CHRNA5: variants seen among roughly 807,000 people sequenced by gnomAD.
The protein encoded by CHRNA5 is cholinergic receptor nicotinic alpha 5 subunit.
Under a neutral mutation model 41.2 loss-of-function variants are expected in CHRNA5, and 28 were observed. That is an observed-to-expected ratio of 0.68 (90% confidence interval 0.50 to 0.93). The LOEUF (loss-of-function observed/expected upper bound fraction) is 0.93. Ranked by LOEUF, CHRNA5 falls within the 40% of genes least tolerant of loss-of-function variation. The probability of loss-of-function intolerance (pLI) is 0.00; values close to 1 mark genes in which losing one functional copy is unlikely to be tolerated. For missense variants in CHRNA5, 481 were observed against 581.9 expected (o/e 0.83, Z 1.78); for synonymous variants, 188 against 205.8 (o/e 0.91, Z 0.74).
At chr15:78,592,965 C>T (rs952025523) in intron 5 of CHRNA5, 127 bp from the exon 6 acceptor site, 7 of 1,131,990 alleles carry the variant, frequency 6.2e-6, no homozygotes, top group African/African-American at 3.1e-5. Context: ...TATAGGGTCA[C>T]TTACCGTTTA....
exon 6 of CHRNA5, chr15:78,595,052 T>C (rs2053078224): frequency 6.6e-6 from 1 of 152,430 alleles, no homozygotes; most frequent in African/African-American, 2.4e-5. Context: ...AAGTAACCTA[T>C]CTAAGTTCAA....
intron 2 of CHRNA5, among the ~76,000 whole-genome samples, chr15:78,585,263 A>G (rs1054886004): frequency 2.0e-5 from 3 of 152,100 alleles, no homozygotes; most frequent in African/African-American, 7.2e-5. Flanking sequence ...ACTGCAGTGT[A>G]AGAGAGATGG....
chr15:78,579,412 C>T (rs544642572), intron 1 of CHRNA5, among the ~76,000 whole-genome samples: 1 of 152,186 alleles, frequency 6.6e-6, no homozygotes, highest in African/African-American at 2.4e-5. Flanking sequence ...TGCCACCATG[C>T]CTGACTAATT....
exon 2 of CHRNA5, chr15:78,580,944 A>T (rs748935802): frequency 3.8e-5 from 61 of 1,613,600 alleles, no homozygotes; most frequent in Non-Finnish European, 4.7e-5. Context: ...GACTTGCAAT[A>T]TCTCAATTGG....
At chr15:78,583,363 AAG>A (rs2052930168) in intron 2 of CHRNA5, among the ~76,000 whole-genome samples, 1 of 152,170 alleles carries the variant, frequency 6.6e-6, no homozygotes, top group Non-Finnish European at 1.5e-5. Context: ...TCACATTTTG[AAG>A]CCTAGGTGAT....
intron 2 of CHRNA5, 24 bp downstream of exon 2, chr15:78,580,986 G>A: frequency 6.2e-7 from 1 of 1,604,374 alleles, no homozygotes; most frequent in Non-Finnish European, 8.5e-7. Context: ...TCCTTCTATA[G>A]TCAATTTCCC....
chr15:78,585,740 G>A (rs183569438), intron 2 of CHRNA5, among the ~76,000 whole-genome samples: 6 of 150,734 alleles, frequency 4.0e-5, no homozygotes, highest in East Asian at 3.9e-4. Flanking sequence ...TATGAAATTC[G>A]TATTCAAGGC....
rs528979012 is a variant in CHRNA5, at chr15:78,573,855, A to G, written c.107-6956A>G. 9.0e-4 allele frequency among the ~76,000 whole-genome samples: 137 copies of G among 151,588 alleles called. 2 individuals carry two copies. Among genetic ancestry groups the G allele is most frequent in the Middle Eastern group, 3.4e-3 (1 of 292 alleles). Reference sequence around the variant, plus strand: ...ACCCAGTCTGGAGTGCAGTGGCACAATCTCGGCTCACTGCAACCTCCACCT... The same window carrying G: ...ACCCAGTCTGGAGTGCAGTGGCACAGTCTCGGCTCACTGCAACCTCCACCT... On this transcript the variant is annotated intron_variant, in intron 1 of 5. Coordinates refer to ENST00000299565, the Ensembl canonical transcript of CHRNA5.
chr15:78,566,847 A>G lies in CHRNA5; in HGVS notation c.106+1022A>G, dbSNP rs150350909. On this transcript the variant is annotated intron_variant, in intron 1 of 5. Transcript: ENST00000299565. The stretch of plus-strand genomic sequence containing the variant: ...CAAATGAAGAAAATCCTGGGCAGAG[A>G]GAGTTAAACAGAAAGAAAGGAATGT... Among the ~76,000 whole-genome samples the G allele has an allele frequency of 3.3e-3, 502 of 152,346 alleles. 2 individuals carry two copies. Among genetic ancestry groups the G allele is most frequent in the African/African-American group, 0.011 (460 of 41,580 alleles).
intron 1 of CHRNA5, among the ~76,000 whole-genome samples, chr15:78,575,532 C>T (rs2052848829): frequency 6.6e-6 from 1 of 152,128 alleles, no homozygotes; most frequent in Admixed American, 6.6e-5. Context: ...TTTATAGTGA[C>T]CCATTATTGC....
downstream of CHRNA5, chr15:78,595,269 ATCTT>A (rs1169428609): frequency 3.0e-6 from 3 of 984,298 alleles, no homozygotes; most frequent in African/African-American, 5.2e-5. Flanking sequence ...TTTTATCGAC[ATCTT>A]TCTTTTGACT....
exon 5 of CHRNA5, chr15:78,590,048 G>A (rs767073201): frequency 1.2e-6 from 2 of 1,614,184 alleles, no homozygotes; most frequent in Admixed American, 1.7e-5. Context: ...GAGAATGGGA[G>A]ATTGTGAGTG....
chr15:78,580,492 CA>C (rs10709956), intron 1 of CHRNA5, among the ~76,000 whole-genome samples: 91,791 of 151,718 alleles, frequency 0.61, 28,071 homozygotes, highest in Middle Eastern at 0.76. Flanking sequence ...CAGCATATTC[CA>C]ATAGTCAGTC....
At chr15:78,579,398 C>T (rs920254719) in intron 1 of CHRNA5, among the ~76,000 whole-genome samples, 39 of 152,068 alleles carry the variant, frequency 2.6e-4, no homozygotes, top group African/African-American at 8.9e-4. Flanking sequence ...GGATTACAGG[C>T]GTGTGCCACC....
intron 5 of CHRNA5, chr15:78,590,847 C>T (rs2053006693): frequency 3.7e-6 from 2 of 540,146 alleles, no homozygotes; most frequent in Non-Finnish European, 6.5e-6. Context: ...ACACAAATCT[C>T]ACTTCTCCAC....
intron 1 of CHRNA5, among the ~76,000 whole-genome samples, chr15:78,572,320 T>G (rs2052813343): frequency 6.6e-6 from 1 of 152,168 alleles, no homozygotes; most frequent in Non-Finnish European, 1.5e-5. Context: ...CATTGTAACA[T>G]TATTAGAAAT....
chr15:78,565,869 C>G, intron 1 of CHRNA5, 44 bp downstream of exon 1: 1 of 1,134,544 alleles, frequency 8.8e-7, no homozygotes, highest in Non-Finnish European at 1.1e-6. Context: ...CTGGCCCGGA[C>G]TCCACATCGC....
intron 1 of CHRNA5, among the ~76,000 whole-genome samples, chr15:78,579,828 A>G (rs2052894307): frequency 6.6e-6 from 1 of 152,114 alleles, no homozygotes; most frequent in Admixed American, 6.5e-5. Context: ...CATTTTCTTC[A>G]TTTAGCTTCC....
intron 1 of CHRNA5, among the ~76,000 whole-genome samples, chr15:78,570,424 A>ATTTTTTTTGTTTTTTTTT (rs2052791880): frequency 1.6e-5 from 1 of 64,184 alleles, no homozygotes. Flanking sequence ...AATCCCGGCT[A>ATTTTTTTTGTTTTTTTTT]TTTTTTTTTT....
Sources: gnomAD v4.1 joint callset for allele counts (sites outside exome capture counted in the v4.1 genomes callset) on GRCh38, gnomAD v4.1.1 for gene constraint, MANE v1.5 for transcripts, NCBI Gene and HGNC (gene_info 2026-07-23, HGNC 2026-07-21) for gene names.